Variants in KIAA0825 observed in about 807,000 individuals in gnomAD.
KIAA0825 encodes the protein KIAA0825.
A neutral mutation model predicts 147.6 loss-of-function variants in KIAA0825; 119 were observed. That is an observed-to-expected ratio of 0.81 (90% CI 0.69 to 0.94). KIAA0825 has a LOEUF of 0.94. Among genes scored for constraint, KIAA0825 ranks in the 40% least tolerant of loss-of-function variants. KIAA0825 has a pLI of 0.00. For missense variants in KIAA0825, 1,381 were observed against 1,472.7 expected (o/e 0.94, Z 1.02); for synonymous variants, 470 against 518.1 (o/e 0.91, Z 1.26).
At chr5:94,616,998 T>C (rs1790692053) in intron 1 of KIAA0825, among the ~76,000 whole-genome samples, 1 of 152,226 alleles carries the variant, frequency 6.6e-6, no homozygotes, top group Non-Finnish European at 1.5e-5. Flanking sequence ...TTTAATTGTA[T>C]AATTTATGGA....
intron 18 of KIAA0825, among the ~76,000 whole-genome samples, chr5:94,390,700 T>C (rs1416084565): frequency 1.3e-5 from 2 of 152,240 alleles, no homozygotes; most frequent in African/African-American, 4.8e-5. Flanking sequence ...AAAACGTTTA[T>C]ATAATCAAGT....
At chr5:94,511,865 T>C (rs1003466752) in intron 5 of KIAA0825, among the ~76,000 whole-genome samples, 15 of 151,790 alleles carry the variant, frequency 9.9e-5, no homozygotes, top group Non-Finnish European at 1.6e-4. Flanking sequence ...GGCGGGTGCC[T>C]GTAATCCCAG....
At chr5:94,277,560 C>A (rs530949999) in intron 20 of KIAA0825, among the ~76,000 whole-genome samples, 1 of 152,224 alleles carries the variant, frequency 6.6e-6, no homozygotes, top group East Asian at 1.9e-4. Context: ...CAATGAGATA[C>A]CATCTCACAC....
rs149609252 is a variant in KIAA0825 at position 94,282,731 on chromosome 5, C to T, written c.3710+101637G>A. 6.4e-3 allele frequency among the ~76,000 whole-genome samples: 973 copies of T among 152,100 alleles called. 10 individuals carry two copies. The highest frequency in any genetic ancestry group is 0.022 in the African/African-American group (922 of 41,514). Reference sequence around the variant, plus strand: ...TGGTTACTTAACAAAATACAACCTGCCTCTGTAATGTAAGAAATGTTTGTA... The same window carrying T: ...TGGTTACTTAACAAAATACAACCTGTCTCTGTAATGTAAGAAATGTTTGTA... On this transcript the variant is annotated intron_variant, in intron 20 of 20. Transcript: ENST00000682413.
At chr5:94,234,481 C>G (rs1774930517) in intron 20 of KIAA0825, among the ~76,000 whole-genome samples, 2 of 151,904 alleles carry the variant, frequency 1.3e-5, no homozygotes, top group South Asian at 4.1e-4. Context: ...CTTCCATTGC[C>G]ATAAAAAAAT....
chr5:94,550,414 G>A (rs940962491), intron 2 of KIAA0825, among the ~76,000 whole-genome samples: 15 of 152,050 alleles, frequency 9.9e-5, no homozygotes, highest in Non-Finnish European at 1.6e-4. Flanking sequence ...AACTGACACC[G>A]CAAGACCCAT....
intron 20 of KIAA0825, among the ~76,000 whole-genome samples, chr5:94,159,165 A>G (rs1767315245): frequency 1.3e-5 from 2 of 152,132 alleles, no homozygotes. Context: ...GGCAGGAGGA[A>G]AGAGTATGGC....
intron 20 of KIAA0825, among the ~76,000 whole-genome samples, chr5:94,303,117 C>A (rs979672110): frequency 1.3e-5 from 2 of 151,790 alleles, no homozygotes; most frequent in Non-Finnish European, 2.9e-5. Flanking sequence ...AGAAAAACAA[C>A]TGAGGCCTAA....
At chr5:94,455,021 G>T (rs1758911485) in intron 12 of KIAA0825, among the ~76,000 whole-genome samples, 1 of 152,108 alleles carries the variant, frequency 6.6e-6, no homozygotes, top group African/African-American at 2.4e-5. Flanking sequence ...TTAGTTTTAG[G>T]TATGTTAAGG....
At chr5:94,403,848 C>T (rs890573725) in intron 15 of KIAA0825, 55 bp from the exon 16 acceptor site, 2 of 1,383,914 alleles carry the variant, frequency 1.4e-6, no homozygotes, top group Non-Finnish European at 2.0e-6. Context: ...TCAGTTGTGC[C>T]TTGCTCAACT....
chr5:94,601,477 A>T (rs1324703706), intron 1 of KIAA0825, among the ~76,000 whole-genome samples: 14 of 152,206 alleles, frequency 9.2e-5, no homozygotes, highest in Admixed American at 9.2e-4. Context: ...AAACTCAAAA[A>T]AAGCCAGAGT....
At chr5:94,315,054 T>C (rs908639898) in intron 20 of KIAA0825, among the ~76,000 whole-genome samples, 2 of 151,680 alleles carry the variant, frequency 1.3e-5, no homozygotes, top group Admixed American at 6.6e-5. Flanking sequence ...TTGAAAAATA[T>C]TTTTATTTCA....
At chr5:94,188,495 C>G (rs527527430) in intron 20 of KIAA0825, among the ~76,000 whole-genome samples, 1 of 152,062 alleles carries the variant, frequency 6.6e-6, no homozygotes, top group African/African-American at 2.4e-5. Flanking sequence ...TATAGTTTTG[C>G]TTTTTCTAGA....
At chr5:94,397,753 C>T (rs1321649655) in intron 16 of KIAA0825, among the ~76,000 whole-genome samples, 2 of 152,154 alleles carry the variant, frequency 1.3e-5, no homozygotes, top group South Asian at 2.1e-4. Flanking sequence ...CCAAATGTCC[C>T]CTGGGACCAA....
intron 20 of KIAA0825, among the ~76,000 whole-genome samples, chr5:94,275,003 C>G (rs1473824237): frequency 1.3e-5 from 2 of 152,068 alleles, no homozygotes; most frequent in African/African-American, 2.4e-5. Flanking sequence ...AGTGATTTGT[C>G]AAAGTAGAGG....
chr5:94,407,104 A>G (rs1218616153), intron 15 of KIAA0825, among the ~76,000 whole-genome samples: 2 of 152,244 alleles, frequency 1.3e-5, no homozygotes, highest in Non-Finnish European at 2.9e-5. Context: ...ATGTACATGT[A>G]CACAGTGGGG....
intron 20 of KIAA0825, among the ~76,000 whole-genome samples, chr5:94,282,104 T>G (rs1057505434): frequency 1.3e-5 from 2 of 152,130 alleles, no homozygotes; most frequent in African/African-American, 4.8e-5. Flanking sequence ...ATAAACCCAT[T>G]GACAGAATGA....
rs1561267847 is a variant in KIAA0825 at position 94,529,243 on chromosome 5, T to TC, written c.132-5146_132-5145insG. ...TGTATGTATCATATATATGTATATA[T>TC]ACATATATATGTATATATCATATAT... On this transcript the variant is annotated intron_variant, in intron 3 of 20. Coordinates refer to ENST00000682413, the MANE Select transcript of KIAA0825 (RefSeq NM_001145678.3). 7.0e-4 allele frequency among the ~76,000 whole-genome samples: 87 copies of TC among 123,544 alleles called. 5 individuals are homozygous for TC. Among genetic ancestry groups the TC allele is most frequent in the African/African-American group, 1.3e-3 (34 of 26,438 alleles). The allele number at this position is 123,544 out of a possible 152,430, so 81.0% of individuals were successfully genotyped here. A position where few individuals can be genotyped will look rare whatever the true frequency, so the allele number is the denominator to read the frequency against.
chr5:94,183,507 T>G (rs562686707), intron 20 of KIAA0825, among the ~76,000 whole-genome samples: 5 of 152,164 alleles, frequency 3.3e-5, no homozygotes, highest in Non-Finnish European at 5.9e-5. Context: ...CTGAGTAACT[T>G]TAGGATGGGG....
Sources: allele counts gnomAD v4.1 joint callset (sites outside exome capture counted in the v4.1 genomes callset), GRCh38; gene constraint gnomAD v4.1.1; transcripts MANE v1.5; gene names NCBI Gene and HGNC (gene_info 2026-07-23, HGNC 2026-07-21).